RALYL: variants seen among roughly 807,000 people sequenced by gnomAD.
RALYL encodes the protein RALY RNA binding protein like, also known as RNA-binding Raly-like protein.
RALYL carries 29 observed loss-of-function variants against 35.1 expected under a neutral mutation model. That is an observed-to-expected ratio of 0.83 (90% CI 0.61 to 1.13). RALYL has a LOEUF of 1.13. Among genes scored for constraint, RALYL ranks in the 50% most tolerant of loss-of-function variants. RALYL has a pLI of 0.00. For synonymous variants in RALYL, 120 were observed against 127.6 expected (o/e 0.94, Z 0.40); for missense variants, 359 against 360.4 (o/e 1.00, Z 0.03).
At chr8:84,189,110 C>G (rs1421683602) in intron 1 of RALYL, among the ~76,000 whole-genome samples, 3 of 151,990 alleles carry the variant, frequency 2.0e-5, no homozygotes, top group Non-Finnish European at 4.4e-5. Flanking sequence ...GGTCAAGACT[C>G]TAAGAGTTAT....
chr8:84,570,845 A>G (rs1364650849), intron 2 of RALYL, among the ~76,000 whole-genome samples: 4 of 151,634 alleles, frequency 2.6e-5, no homozygotes, highest in African/African-American at 9.7e-5. Flanking sequence ...TGAGATGATT[A>G]TATATATATT....
Position 84,887,653 on chromosome 8 carries a change from A to G in RALYL, c.735A>G (p.Glu245=). The change falls in exon 8 of 9, where the codon GAA becomes GAG. Residue 245 remains glutamate (E), a synonymous_variant. Coordinates refer to ENST00000521268, the MANE Select transcript of RALYL (RefSeq NM_173848.7). ...AGAGTCTAGTGCTGATCCAAGAGGA[A>G]TGTGTGTCAGAGATTGCAGATCACT... ...LEESLVLIQE[E]CVSEIADHST... The G allele has an allele frequency of 6.2e-7, 1 of 1,613,458 alleles. No homozygotes were observed. The highest frequency in any genetic ancestry group is 8.5e-7 in the Non-Finnish European group (1 of 1,179,626).
chr8:84,626,293 G>C, intron 2 of RALYL, among the ~76,000 whole-genome samples: 2 of 152,182 alleles, frequency 1.3e-5, no homozygotes, highest in East Asian at 3.9e-4. Flanking sequence ...GCATTTGTGC[G>C]CCTGCATTGT....
At chr8:84,484,011 G>A (rs1487772397) in intron 1 of RALYL, among the ~76,000 whole-genome samples, 1 of 151,592 alleles carries the variant, frequency 6.6e-6, no homozygotes, top group Non-Finnish European at 1.5e-5. Flanking sequence ...TTTTAAAATC[G>A]GCACATGTTT....
chr8:84,720,395 A>C (rs1438421462), intron 2 of RALYL, among the ~76,000 whole-genome samples: 1 of 152,176 alleles, frequency 6.6e-6, no homozygotes, highest in Non-Finnish European at 1.5e-5. Context: ...AAGAACATGT[A>C]GTGGGGAAAA....
Position 84,342,295 on chromosome 8 carries a change from T to TATATATATATATATATATATATATAA in RALYL, c.-24+157872_-24+157873insTATATATATATATATATATATATAAA, listed in dbSNP as rs1053647755. On this transcript the variant is annotated intron_variant, in intron 1 of 8. Transcript: ENST00000521268. ...ATCGTTCAATATATATATATATATA[T>TATATATATATATATATATATATATAA]AAAACTCAAAAAGTGTGGTCCTCCC... Among the ~76,000 whole-genome samples the TATATATATATATATATATATATATAA allele has an allele frequency of 5.0e-5, 6 of 119,674 alleles. 1 individual carries two copies. Among genetic ancestry groups the TATATATATATATATATATATATATAA allele is most frequent in the African/African-American group, 1.5e-4 (4 of 26,614 alleles). 78.5% of individuals were successfully genotyped at this position (119,674 alleles called of 152,430 possible). A position where few individuals can be genotyped will look rare whatever the true frequency, so the allele number is the denominator to read the frequency against.
chr8:84,692,611 AAT>A (rs1838288363), intron 2 of RALYL, among the ~76,000 whole-genome samples: 4 of 152,068 alleles, frequency 2.6e-5, no homozygotes, highest in Admixed American at 2.6e-4. Context: ...GATTTAGTGA[AAT>A]ATCTATTTCA....
chr8:84,855,728 A>G (rs547579732), intron 5 of RALYL, among the ~76,000 whole-genome samples: 1 of 152,374 alleles, frequency 6.6e-6, no homozygotes, highest in Non-Finnish European at 1.5e-5. Flanking sequence ...TAACTTCTGC[A>G]ATGTTAGCTG....
intron 1 of RALYL, among the ~76,000 whole-genome samples, chr8:84,475,141 A>G (rs887904034): frequency 6.6e-5 from 10 of 151,046 alleles, no homozygotes; most frequent in Admixed American, 5.9e-4. Context: ...ATTCCCACCT[A>G]TGAGTGAGAA....
chr8:84,516,254 TAG>T (rs10618556), intron 1 of RALYL, among the ~76,000 whole-genome samples: 81,547 of 151,110 alleles, frequency 0.54, 22,086 homozygotes, highest in East Asian at 0.65. Context: ...CATATACACA[TAG>T]AGTTTATAAT....
At chr8:84,232,933 A>C (rs533348118) in intron 1 of RALYL, among the ~76,000 whole-genome samples, 7 of 152,316 alleles carry the variant, frequency 4.6e-5, no homozygotes, top group Admixed American at 6.5e-5. Flanking sequence ...CGCATACTCA[A>C]GATAAAATTT....
At chr8:84,637,195 A>G (rs778271301) in intron 2 of RALYL, among the ~76,000 whole-genome samples, 1 of 151,916 alleles carries the variant, frequency 6.6e-6, no homozygotes, top group Non-Finnish European at 1.5e-5. Context: ...TGTTGCAGAC[A>G]TTTTATCTAA....
intron 2 of RALYL, among the ~76,000 whole-genome samples, chr8:84,692,379 C>T (rs1232204971): frequency 6.6e-6 from 1 of 151,888 alleles, no homozygotes; most frequent in Non-Finnish European, 1.5e-5. Flanking sequence ...ATTCTATGTA[C>T]CAGCAATAGC....
At chr8:84,705,982 G>T (rs1564406484) in intron 2 of RALYL, 30 of 1,533,800 alleles carry the variant, frequency 2.0e-5, no homozygotes, top group Non-Finnish European at 2.4e-5. Flanking sequence ...TTGTCTCCGT[G>T]GTCAAATCAA....
At chr8:84,243,778 C>G (rs1563597745) in intron 1 of RALYL, among the ~76,000 whole-genome samples, 1 of 152,110 alleles carries the variant, frequency 6.6e-6, no homozygotes, top group Non-Finnish European at 1.5e-5. Context: ...ACCCTTCTAG[C>G]TGGGCTGGTT....
At chr8:84,806,395 G>A (rs751077365) in intron 4 of RALYL, among the ~76,000 whole-genome samples, 31 of 152,078 alleles carry the variant, frequency 2.0e-4, no homozygotes, top group Non-Finnish European at 3.4e-4. Context: ...TTCTCTTCAC[G>A]CCTCACTTCA....
chr8:84,515,988 A>G (rs969926712), intron 1 of RALYL, among the ~76,000 whole-genome samples: 13 of 107,830 alleles, frequency 1.2e-4, no homozygotes, highest in African/African-American at 4.3e-4. Flanking sequence ...TCCAGATGCT[A>G]TTTGCCTGGT....
At chr8:84,493,750 CA>C (rs937800190) in intron 1 of RALYL, among the ~76,000 whole-genome samples, 1 of 151,034 alleles carries the variant, frequency 6.6e-6, no homozygotes, top group African/African-American at 2.4e-5. Context: ...GCCCTTTGCC[CA>C]CTTTTTTTTT....
chr8:84,470,182 TA>T (rs2052523013), intron 1 of RALYL, among the ~76,000 whole-genome samples: 1 of 152,162 alleles, frequency 6.6e-6, no homozygotes, highest in African/African-American at 2.4e-5. Flanking sequence ...CAAGCTTTTT[TA>T]TAAGTTGTTT....
Sources: allele counts gnomAD v4.1 joint callset (sites outside exome capture counted in the v4.1 genomes callset), GRCh38; gene constraint gnomAD v4.1.1; transcripts MANE v1.5; gene names NCBI Gene and HGNC (gene_info 2026-07-23, HGNC 2026-07-21).